The following ADCY2 variants were observed in gnomAD, a reference collection of about 807,000 sequenced individuals.
ADCY2 encodes adenylate cyclase 2, also known as adenylate cyclase type 2.
Under a neutral mutation model 125.2 loss-of-function variants are expected in ADCY2, and 31 were observed. That is an observed-to-expected ratio of 0.25 (90% CI 0.19 to 0.33). The LOEUF (loss-of-function observed/expected upper bound fraction) is 0.33. Among genes scored for constraint, ADCY2 ranks in the 10% least tolerant of loss-of-function variants. The probability of loss-of-function intolerance (pLI) is 1.00; values close to 1 mark genes in which losing one functional copy is unlikely to be tolerated. For synonymous variants in ADCY2, 512 were observed against 548.4 expected (o/e 0.93, Z 0.93); for missense variants, 904 against 1,418.2 (o/e 0.64, Z 5.82).
At chr5:7,661,440 G>A (rs1375222655) in intron 4 of ADCY2, among the ~76,000 whole-genome samples, 1 of 152,098 alleles carries the variant, frequency 6.6e-6, no homozygotes, top group African/African-American at 2.4e-5. Flanking sequence ...AAATGGCAAA[G>A]GCAACCCCTC....
In ADCY2 at chr5:7,707,856, G is replaced by A. The variant is rs547704282; in HGVS notation, c.1401+18G>A. On this transcript the variant is annotated intron_variant, in intron 9 of 24. Transcript: ENST00000338316. ...ACCCCAAGGTCAGTATCATTGTAAA[G>A]AGTCTATGATGAAAAGGGAGGAGGA... The A allele has an allele frequency of 2.5e-6, 4 of 1,611,684 alleles. No homozygotes were observed. In the African/African-American group the frequency reaches 5.3e-5, roughly 21 times the overall value.
intron 2 of ADCY2, among the ~76,000 whole-genome samples, chr5:7,519,801 C>G (rs545903492): frequency 6.6e-6 from 1 of 152,310 alleles, no homozygotes; most frequent in South Asian, 2.1e-4. Flanking sequence ...AGCAGCTACT[C>G]TCCGTTCCCC....
intron 16 of ADCY2, among the ~76,000 whole-genome samples, chr5:7,760,347 G>C (rs865817196): frequency 6.6e-6 from 1 of 152,238 alleles, no homozygotes; most frequent in Non-Finnish European, 1.5e-5. Context: ...GACTGGGTCG[G>C]AAGTTGACTC....
chr5:7,408,523 A>G (rs921692463), intron 1 of ADCY2, among the ~76,000 whole-genome samples: 1 of 151,198 alleles, frequency 6.6e-6, no homozygotes, highest in Non-Finnish European at 1.5e-5. Context: ...ATGTGCCACC[A>G]TGCCTGGCTA....
chr5:7,492,148 AG>A (rs1743185845), intron 2 of ADCY2, among the ~76,000 whole-genome samples: 2 of 152,330 alleles, frequency 1.3e-5, no homozygotes, highest in African/African-American at 2.4e-5. Context: ...GAAAGGGCAC[AG>A]GGGAACCTAG....
At chr5:7,423,660 C>T (rs913229680) in intron 2 of ADCY2, among the ~76,000 whole-genome samples, 6 of 152,284 alleles carry the variant, frequency 3.9e-5, no homozygotes, top group Non-Finnish European at 7.4e-5. Flanking sequence ...TACCCAGTCT[C>T]GGGTATGTCT....
chr5:7,510,895 G>C (rs905031831), intron 2 of ADCY2, among the ~76,000 whole-genome samples: 1 of 152,218 alleles, frequency 6.6e-6, no homozygotes, highest in Non-Finnish European at 1.5e-5. Context: ...CTGCAAAGAG[G>C]TTAAGATGAG....
At chr5:7,796,526 T>C (rs1277755024) in intron 20 of ADCY2, 1 of 152,178 alleles carries the variant, frequency 6.6e-6, no homozygotes, top group African/African-American at 2.4e-5. Context: ...TAACAATCAA[T>C]TCTGAAAAGG....
rs1347509356 is a variant in ADCY2, at chr5:7,789,926, C to A, written c.2628+126C>A. The A allele has an allele frequency of 5.6e-6, 4 of 714,302 alleles. No individual in the cohort carries two copies. In the African/African-American group the frequency reaches 7.2e-5, roughly 13 times the overall value. The allele number at this position is 714,302 out of a possible 1,614,324, so 44.2% of individuals were successfully genotyped here. A position where few individuals can be genotyped will look rare whatever the true frequency, so the allele number is the denominator to read the frequency against. On this transcript the variant is annotated intron_variant, in intron 20 of 24. Transcript: ENST00000338316. ...TCACACATCTGAGTGTTCAAATTGG[C>A]CAAGATTGGCTTGAATTGTTCAGTT... is the stretch of plus-strand genomic sequence containing the variant.
chr5:7,819,946 C>T (rs747208426), intron 23 of ADCY2, among the ~76,000 whole-genome samples: 4 of 152,194 alleles, frequency 2.6e-5, no homozygotes, highest in Non-Finnish European at 4.4e-5. Flanking sequence ...CAGGGATGAG[C>T]AGTGGCCAGA....
chr5:7,547,970 C>T (rs1425483773), intron 3 of ADCY2, among the ~76,000 whole-genome samples: 3 of 152,244 alleles, frequency 2.0e-5, no homozygotes, highest in Non-Finnish European at 2.9e-5. Context: ...CCCCAGCATG[C>T]TGCTCCTCCT....
chr5:7,820,323 T>C (rs1232627940), intron 23 of ADCY2, among the ~76,000 whole-genome samples: 1 of 151,906 alleles, frequency 6.6e-6, no homozygotes. Flanking sequence ...CAAAACTCTG[T>C]CTCTACCAAA....
intron 3 of ADCY2, among the ~76,000 whole-genome samples, chr5:7,601,098 T>C (rs1737185204): frequency 6.6e-6 from 1 of 152,098 alleles, no homozygotes; most frequent in Non-Finnish European, 1.5e-5. Context: ...CAGTGGATGA[T>C]GTTGGAATTG....
At chr5:7,437,011 A>C (rs1200841356) in intron 2 of ADCY2, among the ~76,000 whole-genome samples, 1 of 152,146 alleles carries the variant, frequency 6.6e-6, no homozygotes, top group African/African-American at 2.4e-5. Flanking sequence ...GGGACCCTCT[A>C]AAGGGGCCAC....
intron 16 of ADCY2, among the ~76,000 whole-genome samples, chr5:7,765,255 C>A (rs1743343194): frequency 6.6e-6 from 1 of 152,176 alleles, no homozygotes; most frequent in African/African-American, 2.4e-5. Flanking sequence ...AAACAATCTC[C>A]TTTTGTTTGC....
At chr5:7,492,780 G>T (rs1051401144) in intron 2 of ADCY2, among the ~76,000 whole-genome samples, 5 of 152,080 alleles carry the variant, frequency 3.3e-5, no homozygotes, top group Non-Finnish European at 7.4e-5. Context: ...AGGTGAAGGT[G>T]TTATAATAGT....
intron 2 of ADCY2, among the ~76,000 whole-genome samples, chr5:7,502,283 C>A (rs980044974): frequency 6.6e-6 from 1 of 151,992 alleles, no homozygotes; most frequent in Non-Finnish European, 1.5e-5. Context: ...TAAGGCAGGG[C>A]AGCATTAGAG....
At chr5:7,576,660 C>T (rs1736262916) in intron 3 of ADCY2, among the ~76,000 whole-genome samples, 1 of 152,118 alleles carries the variant, frequency 6.6e-6, no homozygotes, top group Non-Finnish European at 1.5e-5. Flanking sequence ...CCAAACTGTG[C>T]TGTTTTTTCT....
At chr5:7,731,689 T>C (rs1230421916) in intron 14 of ADCY2, among the ~76,000 whole-genome samples, 1 of 151,830 alleles carries the variant, frequency 6.6e-6, no homozygotes. Context: ...CTGCAACCTC[T>C]GCCTCCCAGG....
Sources: allele counts gnomAD v4.1 joint callset (sites outside exome capture counted in the v4.1 genomes callset), GRCh38; gene constraint gnomAD v4.1.1; transcripts MANE v1.5; gene names NCBI Gene and HGNC (gene_info 2026-07-23, HGNC 2026-07-21).